The following AGBL4 variants were observed in gnomAD, a reference collection of about 807,000 sequenced individuals.
AGBL4 encodes the protein AGBL carboxypeptidase 4.
Under a neutral mutation model 66.4 loss-of-function variants are expected in AGBL4, and 58 were observed. That is an observed-to-expected ratio of 0.87 (90% CI 0.71 to 1.09). The LOEUF (loss-of-function observed/expected upper bound fraction) is 1.09, where lower values mean the gene tolerates loss of function less well. Among genes scored for constraint, AGBL4 ranks in the 50% least tolerant of loss-of-function variants. The pLI is 0.00. For synonymous variants in AGBL4, 234 were observed against 222.9 expected (o/e 1.05, Z -0.44); for missense variants, 579 against 631.0 (o/e 0.92, Z 0.88).
chr1:49,095,793 T>A (rs1427383804), intron 4 of AGBL4, among the ~76,000 whole-genome samples: 3 of 150,932 alleles, frequency 2.0e-5, no homozygotes, highest in African/African-American at 7.3e-5. Flanking sequence ...GGACTTCATG[T>A]CTAAAACACC....
intron 3 of AGBL4, among the ~76,000 whole-genome samples, chr1:49,482,988 G>A (rs1418121397): frequency 6.6e-6 from 1 of 151,990 alleles, no homozygotes; most frequent in African/African-American, 2.4e-5. Context: ...CTGAGAGAAT[G>A]TTATGATTTC....
chr1:49,360,548 G>C (rs1414893397), intron 3 of AGBL4, among the ~76,000 whole-genome samples: 1 of 152,096 alleles, frequency 6.6e-6, no homozygotes, highest in Non-Finnish European at 1.5e-5. Flanking sequence ...CTGTTTTATT[G>C]CAACAGTTTT....
intron 3 of AGBL4, among the ~76,000 whole-genome samples, chr1:49,325,520 C>A (rs1188743014): frequency 6.6e-6 from 1 of 152,214 alleles, no homozygotes; most frequent in Non-Finnish European, 1.5e-5. Flanking sequence ...CAGTCAATAT[C>A]CCTTTTCTTC....
At chr1:49,399,198 T>C (rs934371061) in intron 3 of AGBL4, among the ~76,000 whole-genome samples, 1 of 152,178 alleles carries the variant, frequency 6.6e-6, no homozygotes, top group Middle Eastern at 3.2e-3. Context: ...TATGGCTGAA[T>C]AGTACTCCAT....
chr1:49,883,657 GT>G (rs973665110), intron 1 of AGBL4, among the ~76,000 whole-genome samples: 136 of 151,962 alleles, frequency 8.9e-4, no homozygotes, highest in Non-Finnish European at 1.6e-3. Context: ...ACTAACTATT[GT>G]TTTTTTGCTT....
chr1:49,750,599 T>G (rs1651377078), intron 2 of AGBL4, among the ~76,000 whole-genome samples: 2 of 152,200 alleles, frequency 1.3e-5, no homozygotes, highest in South Asian at 2.1e-4. Context: ...CATATGAAAT[T>G]TAAAGTAGTT....
chr1:48,535,338 C>A lies in AGBL4; in HGVS notation c.1365-422G>T, dbSNP rs1202863950. On this transcript the variant is annotated intron_variant, in intron 12 of 13. Coordinates refer to ENST00000371839, the MANE Select transcript of AGBL4 (RefSeq NM_032785.4). The stretch of plus-strand genomic sequence containing the variant: ...CCTCTTTTTGGAAGACAAACTCCCA[C>A]AAAATAAGCCTCCCCCATCCCCAGG... Among the ~76,000 whole-genome samples the A allele has an allele frequency of 2.0e-5, 3 of 152,156 alleles. No homozygotes were observed. In the South Asian group the frequency reaches 6.2e-4, roughly 32 times the overall value.
intron 5 of AGBL4, among the ~76,000 whole-genome samples, chr1:48,887,228 C>T (rs1001587070): frequency 1.3e-5 from 2 of 151,990 alleles, no homozygotes; most frequent in East Asian, 1.9e-4. Flanking sequence ...AAAAAGATGA[C>T]GTCTAGGAGG....
chr1:49,641,966 A>C (rs1168227711), intron 3 of AGBL4, among the ~76,000 whole-genome samples: 1 of 152,026 alleles, frequency 6.6e-6, no homozygotes, highest in Non-Finnish European at 1.5e-5. Flanking sequence ...TCAGGATTTT[A>C]CTGTATATTT....
chr1:49,462,146 A>G (rs1222138242), intron 3 of AGBL4, among the ~76,000 whole-genome samples: 1 of 151,692 alleles, frequency 6.6e-6, no homozygotes, highest in Non-Finnish European at 1.5e-5. Context: ...GGCTAGATGA[A>G]TGCTAAGGCT....
At chr1:49,385,551 TG>T (rs1644718615) in intron 3 of AGBL4, among the ~76,000 whole-genome samples, 1 of 152,070 alleles carries the variant, frequency 6.6e-6, no homozygotes, top group African/African-American at 2.4e-5. Flanking sequence ...TGTTTTTTGA[TG>T]TAGATTTATT....
chr1:49,256,319 A>T (rs1652498172), intron 3 of AGBL4, among the ~76,000 whole-genome samples: 1 of 152,190 alleles, frequency 6.6e-6, no homozygotes, highest in Non-Finnish European at 1.5e-5. Context: ...TCAATTAAAA[A>T]ATTATATAAA....
intron 11 of AGBL4, among the ~76,000 whole-genome samples, chr1:48,577,161 G>T (rs1165796888): frequency 6.6e-6 from 1 of 152,194 alleles, no homozygotes; most frequent in Admixed American, 6.5e-5. Context: ...GAAACTGGTT[G>T]GAGCTAATCT....
chr1:48,557,579 G>A (rs921197108), intron 11 of AGBL4, among the ~76,000 whole-genome samples: 3 of 152,196 alleles, frequency 2.0e-5, no homozygotes, highest in Admixed American at 2.0e-4. Flanking sequence ...CTCTGTCTCG[G>A]TTGCAGAGAT....
At chr1:49,131,040 T>C (rs1049480117) in intron 4 of AGBL4, among the ~76,000 whole-genome samples, 5 of 152,138 alleles carry the variant, frequency 3.3e-5, no homozygotes, top group African/African-American at 4.8e-5. Flanking sequence ...AAATAAATTA[T>C]AGCATATGTA....
At chr1:49,562,608 C>A (rs1235315017) in intron 3 of AGBL4, among the ~76,000 whole-genome samples, 1 of 152,082 alleles carries the variant, frequency 6.6e-6, no homozygotes, top group Admixed American at 6.6e-5. Context: ...TGTCAAAGAT[C>A]AGATATTTGT....
At chr1:49,948,266 A>G (rs1655629207) in intron 1 of AGBL4, among the ~76,000 whole-genome samples, 1 of 106,104 alleles carries the variant, frequency 9.4e-6, no homozygotes, top group Non-Finnish European at 1.7e-5. Flanking sequence ...ATATATAAAT[A>G]AATACATATA....
rs148106535 is a variant in AGBL4, at chr1:49,217,433, C to G, written c.377+28337G>C. On this transcript the variant is annotated intron_variant, in intron 4 of 13. Coordinates refer to ENST00000371839, the MANE Select transcript of AGBL4 (RefSeq NM_032785.4). ...CATTTTCTTTTTATCTTGCTTAACTCTTTCACACTTCAAGATTCAATTTCT... is the reference window on the plus strand; with the variant it reads ...CATTTTCTTTTTATCTTGCTTAACTGTTTCACACTTCAAGATTCAATTTCT... Among the ~76,000 whole-genome samples the G allele has an allele frequency of 2.7e-3, 404 of 152,212 alleles. 3 individuals carry two copies. The highest frequency in any genetic ancestry group is 9.4e-3 in the African/African-American group (392 of 41,526).
chr1:49,576,855 A>G (rs907289134), intron 3 of AGBL4, among the ~76,000 whole-genome samples: 1 of 152,158 alleles, frequency 6.6e-6, no homozygotes, highest in Non-Finnish European at 1.5e-5. Flanking sequence ...GTTCTGCACG[A>G]TATGTAGAAA....
Sources: allele counts gnomAD v4.1 joint callset (sites outside exome capture counted in the v4.1 genomes callset), GRCh38; gene constraint gnomAD v4.1.1; transcripts MANE v1.5; gene names NCBI Gene and HGNC (gene_info 2026-07-23, HGNC 2026-07-21).